The following ABLIM2 variants were observed in gnomAD, a reference collection of about 807,000 sequenced individuals.
ABLIM2 encodes the protein actin binding LIM protein family member 2, also known as actin-binding LIM protein 2.
A neutral mutation model predicts 97.7 loss-of-function variants in ABLIM2; 53 were observed. The ratio of observed to expected loss-of-function variants is 0.54; its 90% CI spans 0.44 to 0.68. ABLIM2 has a LOEUF of 0.68. Ranked by LOEUF, ABLIM2 falls within the 30% of genes least tolerant of loss-of-function variation. ABLIM2 has a pLI of 0.00. For synonymous variants in ABLIM2, 361 were observed against 345.8 expected, an observed-to-expected ratio of 1.04 and a Z score of -0.49; for missense variants, 835 against 867.2, an observed-to-expected ratio of 0.96 and a Z score of 0.47.
chr4:7,983,321 G>C lies in ABLIM2; in HGVS notation c.1767C>G (p.Ile589Met). 6.2e-7 allele frequency: 1 copy of C among 1,612,514 alleles called. No individual in the cohort carries two copies. Among genetic ancestry groups the C allele is most frequent in the Non-Finnish European group, 8.5e-7 (1 of 1,179,500 alleles). Residue 589 changes from isoleucine to methionine, a missense_variant, in exon 20 of 21, where the codon ATC becomes ATG. Coordinates refer to ENST00000447017, the MANE Select transcript of ABLIM2 (RefSeq NM_001130083.2). The part of the protein sequence containing the change: ...EYKIYPYDSL[I>M]VTNRIRVKLP... ...GTTTCACGCGAATTCGGTTTGTGAC[G>C]ATGAGGGAGTCATACGGATAGATCT...
chr4:8,148,721 C>T lies in ABLIM2; in HGVS notation c.10+9959G>A, dbSNP rs1711526941. ...CCAAGGTGTCCATTGCCCCAAACCA[C>T]ACAGGAACTCAGAGTCGGAAAGATC... On this transcript the variant is annotated intron_variant, in intron 1 of 20. Coordinates refer to ENST00000447017, the MANE Select transcript of ABLIM2 (RefSeq NM_001130083.2). This position sits in a 1 kb window ranked among gnomAD's most constrained non-coding sequence, Gnocchi z 6.7. Among the ~76,000 whole-genome samples, 1 of 152,198 alleles carries T rather than the reference C, an allele frequency of 6.6e-6. No homozygotes were observed. Among genetic ancestry groups the T allele is most frequent in the Non-Finnish European group, 1.5e-5 (1 of 68,028 alleles).
Position 8,003,661 on chromosome 4 carries a change from G to A in ABLIM2, c.1618+4398C>T, listed in dbSNP as rs778669029. Among the ~76,000 whole-genome samples the A allele has an allele frequency of 8.3e-4, 126 of 151,538 alleles. No individual in the cohort carries two copies. Among genetic ancestry groups the A allele is most frequent in the Admixed American group, 3.4e-3 (52 of 15,204 alleles). On this transcript the variant is annotated intron_variant, in intron 16 of 20. Coordinates refer to ENST00000447017, the MANE Select transcript of ABLIM2 (RefSeq NM_001130083.2). This position sits in a 1 kb window ranked among gnomAD's most constrained non-coding sequence, Gnocchi z 4.2. ...GCTTACTGCAACCTCTGCCTCCTGG[G>A]ATCAAGTGATTCTCCTGCCTCAGCC...
chr4:7,973,992 C>A (rs1730494121), intron 20 of ABLIM2, among the ~76,000 whole-genome samples: 1 of 152,212 alleles, frequency 6.6e-6, no homozygotes, highest in Admixed American at 6.5e-5. Context: ...CTGTTGGCAG[C>A]CTGAAGAGTA....
At chr4:8,056,793 A>G (rs994782610) in intron 7 of ABLIM2, among the ~76,000 whole-genome samples, 6 of 151,536 alleles carry the variant, frequency 4.0e-5, no homozygotes, top group South Asian at 2.1e-4. Flanking sequence ...TTAGCTGGGC[A>G]TGGTGGCGGG....
chr4:8,018,371 C>T (rs1771041224), intron 14 of ABLIM2, among the ~76,000 whole-genome samples: 1 of 152,160 alleles, frequency 6.6e-6, no homozygotes, highest in Admixed American at 6.5e-5. Flanking sequence ...TTCTTTTGGC[C>T]AGGCCTCAGT....
chr4:8,121,949 C>T (rs773469266), intron 1 of ABLIM2, among the ~76,000 whole-genome samples: 33 of 152,222 alleles, frequency 2.2e-4, no homozygotes, highest in Non-Finnish European at 4.8e-4. Context: ...GGACCCAGAC[C>T]TGCCCAGACC....
rs141930164 is a variant in ABLIM2, at chr4:8,080,339, G to T, written c.581+337C>A. Among the ~76,000 whole-genome samples, 742 of 152,320 alleles carry T rather than the reference G, an allele frequency of 4.9e-3. 1 individual carries two copies. The highest frequency in any genetic ancestry group is 8.4e-3 in the Non-Finnish European group (569 of 68,024). On this transcript the variant is annotated intron_variant, in intron 5 of 20. Coordinates refer to ENST00000447017, the MANE Select transcript of ABLIM2 (RefSeq NM_001130083.2). ...CCGGAAAGGCAGCTGATCCCATGGG[G>T]ATGGTGGAGGGGGACTGCGACGGGG...
At position 8,069,954 on chromosome 4, in the gene ABLIM2, T is replaced by C. The variant is rs1810703484; in HGVS notation, c.675+7674A>G. ...TGTTTATTTCCATGTGTGTTGTTTG[T>C]GTGCCTAAGCGTGCTGTCTGCACGT... On this transcript the variant is annotated intron_variant, in intron 6 of 20. Transcript: ENST00000447017. The surrounding 1 kb of genome is among the most constrained non-coding windows in gnomAD (Gnocchi z 4.2). Among the ~76,000 whole-genome samples the C allele has an allele frequency of 6.6e-6, 1 of 152,164 alleles. No individual in the cohort carries two copies. The highest frequency in any genetic ancestry group is 2.4e-5 in the African/African-American group (1 of 41,444).
intron 1 of ABLIM2, among the ~76,000 whole-genome samples, chr4:8,134,319 G>A (rs1022855412): frequency 1.3e-5 from 2 of 152,140 alleles, no homozygotes; most frequent in African/African-American, 4.8e-5. Context: ...GGATGGTGCT[G>A]CGTCTCCCTG....
chr4:7,973,968 G>A (rs1022741905), intron 20 of ABLIM2, among the ~76,000 whole-genome samples: 1 of 152,216 alleles, frequency 6.6e-6, no homozygotes, highest in East Asian at 1.9e-4. Context: ...AATAATGCAG[G>A]AGCCTCATGA....
rs146805535 is a variant in ABLIM2, at chr4:8,123,295, C to A, written c.11-16658G>T. Among the ~76,000 whole-genome samples, 1 of 152,164 alleles carries A rather than the reference C, an allele frequency of 6.6e-6. No individual in the cohort carries two copies. Among genetic ancestry groups the A allele is most frequent in the Non-Finnish European group, 1.5e-5 (1 of 68,022 alleles). On this transcript the variant is annotated intron_variant, in intron 1 of 20. Coordinates refer to ENST00000447017, the MANE Select transcript of ABLIM2 (RefSeq NM_001130083.2). The surrounding 1 kb of genome is among the most constrained non-coding windows in gnomAD (Gnocchi z 6.2). ...CCCCATCTCCAACTGGCATGAGAGG[C>A]GTTGTCACCCTCAGGCTGCAGGCAA...
intron 17 of ABLIM2, among the ~76,000 whole-genome samples, chr4:7,991,428 C>A (rs1428163715): frequency 6.6e-6 from 1 of 152,186 alleles, no homozygotes; most frequent in Non-Finnish European, 1.5e-5. Context: ...TGCTCACCAG[C>A]CCCAGGGCTG....
intron 12 of ABLIM2, 126 bp from the exon 13 acceptor site, chr4:8,020,429 C>A (rs540910470): frequency 1.2e-6 from 1 of 861,150 alleles, no homozygotes; most frequent in Non-Finnish European, 1.9e-6. Context: ...CAGCCCAGAT[C>A]CCCTGCCCAG....
chr4:7,965,812 T>A lies in ABLIM2; in HGVS notation c.*1178A>T, dbSNP rs2149267912. 1 of 152,028 alleles carries A rather than the reference T, an allele frequency of 6.6e-6. No homozygotes were observed. Among genetic ancestry groups the A allele is most frequent in the Admixed American group, 6.6e-5 (1 of 15,266 alleles). 9.4% of individuals were successfully genotyped at this position (152,028 alleles called of 1,614,324 possible). ...TCCTATCTCCATCCTATCTCCATCC[T>A]TCTCTCCCCAACAGCGTGTGGTTGT... On this transcript the variant is annotated 3_prime_UTR_variant, in exon 21 of 21. Transcript: ENST00000447017.
chr4:7,989,336 C>T (rs768813200), intron 17 of ABLIM2: 33 of 911,902 alleles, frequency 3.6e-5, no homozygotes, highest in African/African-American at 3.6e-5. Context: ...ACCTCGGCCT[C>T]GCAGAGTGCT....
chr4:8,092,474 T>A (rs977711575), intron 3 of ABLIM2, among the ~76,000 whole-genome samples: 6 of 152,178 alleles, frequency 3.9e-5, no homozygotes, highest in African/African-American at 1.4e-4. Context: ...TAAAACAGAA[T>A]GGCGTATGAC....
chr4:8,093,159 A>G (rs907531128), intron 3 of ABLIM2, among the ~76,000 whole-genome samples: 1 of 152,148 alleles, frequency 6.6e-6, no homozygotes, highest in African/African-American at 2.4e-5. Context: ...TCTTTTGCCC[A>G]TTTTTAACAG....
intron 6 of ABLIM2, among the ~76,000 whole-genome samples, chr4:8,065,423 T>C (rs1452304239): frequency 6.6e-6 from 1 of 152,068 alleles, no homozygotes; most frequent in East Asian, 1.9e-4. Flanking sequence ...GTAGCTACAA[T>C]AATAACAACA....
chr4:8,126,964 G>A (rs774996403), intron 1 of ABLIM2, among the ~76,000 whole-genome samples: 1 of 151,976 alleles, frequency 6.6e-6, no homozygotes, highest in Non-Finnish European at 1.5e-5. Context: ...TACCCGGGAG[G>A]CTGAGCTGTG....
Sources: gnomAD v4.1 joint callset for allele counts (sites outside exome capture counted in the v4.1 genomes callset) on GRCh38, gnomAD v4.1.1 for gene constraint, Gnocchi (gnomAD v3.1) non-coding constraint, MANE v1.5 for transcripts, NCBI Gene and HGNC (gene_info 2026-07-23, HGNC 2026-07-21) for gene names.